The following GALNT13 variants were observed in gnomAD, a reference collection of about 807,000 sequenced individuals.
GALNT13 encodes the protein UDP-GalNAc:polypeptide N-acetylgalactosaminyltransferase 13.
In GALNT13, 28 loss-of-function variants were observed where a neutral mutation model predicts 64.2. That is an observed-to-expected ratio of 0.44 (90% CI 0.32 to 0.60). GALNT13 has a LOEUF of 0.60. GALNT13 is among the 20% of genes least tolerant of loss of function. The pLI, the probability that GALNT13 is intolerant of heterozygous loss-of-function variation, is 0.05. For synonymous variants in GALNT13, 214 were observed against 224.6 expected, an observed-to-expected ratio of 0.95 and a Z score of 0.42; for missense variants, 577 against 669.8, an observed-to-expected ratio of 0.86 and a Z score of 1.53.
At chr2:154,357,281 T>C (rs1168086703) in intron 9 of GALNT13, among the ~76,000 whole-genome samples, 2 of 152,078 alleles carry the variant, frequency 1.3e-5, no homozygotes, top group Non-Finnish European at 2.9e-5. Flanking sequence ...TGGGGCAATA[T>C]GTATTCTAAG....
At chr2:153,767,557 A>C in the GALNT13 span, among the ~76,000 whole-genome samples, 1 of 152,184 alleles carries the variant, frequency 6.6e-6, no homozygotes, top group African/African-American at 2.4e-5. Context: ...ACTTATTTAC[A>C]TACCCACGAA....
At chr2:154,356,128 G>A (rs2105271289) in intron 9 of GALNT13, among the ~76,000 whole-genome samples, 1 of 152,038 alleles carries the variant, frequency 6.6e-6, no homozygotes, top group Middle Eastern at 3.4e-3. Context: ...TCTCAGAAGT[G>A]GCTTAAAATC....
At chr2:154,155,274 G>T (rs998858410) in intron 4 of GALNT13, among the ~76,000 whole-genome samples, 6 of 151,914 alleles carry the variant, frequency 3.9e-5, no homozygotes, top group African/African-American at 1.4e-4. Context: ...TTTAAAAACA[G>T]CCATTTGAAA....
chr2:153,729,306 A>G, the GALNT13 span, among the ~76,000 whole-genome samples: 1 of 152,138 alleles, frequency 6.6e-6, no homozygotes, highest in Non-Finnish European at 1.5e-5. Flanking sequence ...GTCTTTTCAG[A>G]TGTACATATT....
intron 8 of GALNT13, among the ~76,000 whole-genome samples, chr2:154,272,534 T>A (rs1691409825): frequency 6.6e-6 from 1 of 152,032 alleles, no homozygotes; most frequent in Admixed American, 6.6e-5. Context: ...ATCTTTCTGA[T>A]CCCAAACATA....
chr2:154,304,012 G>A (rs889647951), intron 9 of GALNT13, among the ~76,000 whole-genome samples: 3 of 151,940 alleles, frequency 2.0e-5, no homozygotes, highest in African/African-American at 4.8e-5. Context: ...CCTCAGCCTC[G>A]CGGAGTGCTG....
the GALNT13 span, among the ~76,000 whole-genome samples, chr2:153,194,771 C>T: frequency 1.6e-4 from 24 of 152,010 alleles, no homozygotes; most frequent in African/African-American, 4.8e-4. Context: ...AAATGTTGGT[C>T]GTGTAGGGGA....
chr2:153,726,056 ATAATCT>A, the GALNT13 span, among the ~76,000 whole-genome samples: 5 of 152,278 alleles, frequency 3.3e-5, no homozygotes, highest in African/African-American at 1.2e-4. Flanking sequence ...TAATGCCAAC[ATAATCT>A]TAAAGTAGAG....
intron 7 of GALNT13, among the ~76,000 whole-genome samples, chr2:154,256,974 C>T (rs549367202): frequency 6.6e-6 from 1 of 152,184 alleles, no homozygotes; most frequent in Admixed American, 6.5e-5. Context: ...GGGCAGTTAA[C>T]TTAGAACAGA....
the GALNT13 span, among the ~76,000 whole-genome samples, chr2:153,825,158 A>G: frequency 5.9e-5 from 9 of 152,208 alleles, no homozygotes; most frequent in African/African-American, 2.2e-4. Flanking sequence ...TTTGGTGATC[A>G]GAGCTTGATG....
chr2:154,219,641 A>G (rs997098999), intron 4 of GALNT13, among the ~76,000 whole-genome samples: 12 of 152,174 alleles, frequency 7.9e-5, no homozygotes, highest in African/African-American at 2.9e-4. Flanking sequence ...TAACTTACCA[A>G]CCCAATCCTG....
the GALNT13 span, among the ~76,000 whole-genome samples, chr2:153,179,477 A>C: frequency 6.6e-6 from 1 of 152,120 alleles, no homozygotes; most frequent in African/African-American, 2.4e-5. Flanking sequence ...TTTGAAATCA[A>C]ATAGTGTGAT....
intron 3 of GALNT13, among the ~76,000 whole-genome samples, chr2:154,013,382 G>A (rs6736399): frequency 0.39 from 59,235 of 151,652 alleles, 14,617 homozygotes; most frequent in Non-Finnish European, 0.55. Context: ...GTGCTGAAGC[G>A]TTCCTCATAA....
At chr2:154,193,180 A>C (rs1686692085) in intron 4 of GALNT13, among the ~76,000 whole-genome samples, 1 of 152,214 alleles carries the variant, frequency 6.6e-6, no homozygotes, top group Admixed American at 6.5e-5. Flanking sequence ...AATTACAACA[A>C]ATAATTTTAT....
chr2:153,694,702 G>A, the GALNT13 span, among the ~76,000 whole-genome samples: 2 of 152,060 alleles, frequency 1.3e-5, no homozygotes, highest in East Asian at 3.9e-4. Flanking sequence ...AGAAAGCATT[G>A]AGTTGCATCT....
chr2:153,883,417 C>T (rs1043435729), intron 1 of GALNT13, among the ~76,000 whole-genome samples: 4 of 152,000 alleles, frequency 2.6e-5, no homozygotes, highest in Non-Finnish European at 5.9e-5. Flanking sequence ...ATTTACAACT[C>T]AGCATACCAT....
the GALNT13 span, among the ~76,000 whole-genome samples, chr2:153,133,424 T>C: frequency 1.3e-5 from 2 of 152,162 alleles, no homozygotes; most frequent in African/African-American, 4.8e-5. Context: ...GAGTGGTATC[T>C]GGAATTCAAT....
At chr2:153,173,023 T>C in the GALNT13 span, among the ~76,000 whole-genome samples, 1 of 152,112 alleles carries the variant, frequency 6.6e-6, no homozygotes, top group African/African-American at 2.4e-5. Context: ...TACTAGTAAC[T>C]TGTATACTAG....
At chr2:154,043,452 A>T (rs1421308536) in intron 3 of GALNT13, among the ~76,000 whole-genome samples, 1 of 129,544 alleles carries the variant, frequency 7.7e-6, no homozygotes, top group African/African-American at 3.0e-5. Flanking sequence ...ATATATATAT[A>T]TATACACACA....
Sources: allele counts gnomAD v4.1 joint callset (sites outside exome capture counted in the v4.1 genomes callset), GRCh38; gene constraint gnomAD v4.1.1; transcripts MANE v1.5; gene names NCBI Gene and HGNC (gene_info 2026-07-23, HGNC 2026-07-21).